The following WWC2 variants were observed in gnomAD, a reference collection of about 807,000 sequenced individuals.
The protein encoded by WWC2 is protein WWC2.
In WWC2, 101 loss-of-function variants were observed where a neutral mutation model predicts 138.5. That is an observed-to-expected ratio of 0.73 (90% CI 0.62 to 0.86). WWC2 has a LOEUF of 0.86. WWC2 is among the 40% of genes least tolerant of loss of function. WWC2 has a pLI of 0.00. For synonymous variants in WWC2, 558 were observed against 538.4 expected (o/e 1.04, Z -0.50); for missense variants, 1,420 against 1,419.4 (o/e 1.00, Z -0.01).
At chr4:183,247,606 T>G (rs1360316815) in intron 6 of WWC2, among the ~76,000 whole-genome samples, 2 of 136,336 alleles carry the variant, frequency 1.5e-5, no homozygotes, top group African/African-American at 6.0e-5. Flanking sequence ...CTATATATGC[T>G]ATATATACTA....
At chr4:183,171,130 C>A (rs1350789997) in intron 1 of WWC2, among the ~76,000 whole-genome samples, 3 of 152,116 alleles carry the variant, frequency 2.0e-5, no homozygotes, top group Admixed American at 6.5e-5. Flanking sequence ...ACACAAACTG[C>A]CTTAGATTAT....
intron 1 of WWC2, among the ~76,000 whole-genome samples, chr4:183,105,833 T>C (rs559006257): frequency 1.1e-4 from 17 of 149,570 alleles, no homozygotes; most frequent in Admixed American, 4.0e-4. Flanking sequence ...GAGCTTGCAG[T>C]GAGCAGACAT....
In WWC2 at chr4:183,197,252, G is replaced by T. The variant is rs533562467; in HGVS notation, c.241+3544G>T. Among the ~76,000 whole-genome samples, 4 of 152,288 alleles carry T rather than the reference G, an allele frequency of 2.6e-5. No homozygotes were observed. In the South Asian group the frequency reaches 8.3e-4, roughly 32 times the overall value. The stretch of plus-strand genomic sequence containing the variant: ...AATGGTAATGGTATTCTGGTGATCT[G>T]TTGTACCCAAATGACCGACAGCAAA... On this transcript the variant is annotated intron_variant, in intron 2 of 22. Coordinates refer to ENST00000403733, the MANE Select transcript of WWC2 (RefSeq NM_024949.6).
chr4:183,225,681 C>A (rs1736048093), intron 4 of WWC2, among the ~76,000 whole-genome samples: 1 of 152,174 alleles, frequency 6.6e-6, no homozygotes, highest in Admixed American at 6.5e-5. Flanking sequence ...ATTCATTAAG[C>A]AGTTATTTAT....
At chr4:183,137,685 G>C (rs960180050) in intron 1 of WWC2, among the ~76,000 whole-genome samples, 32 of 152,030 alleles carry the variant, frequency 2.1e-4, no homozygotes, top group African/African-American at 7.5e-4. Flanking sequence ...TTTTTGTAAG[G>C]ACAAGATTTT....
intron 1 of WWC2, among the ~76,000 whole-genome samples, chr4:183,163,138 G>A (rs1335409561): frequency 1.3e-5 from 2 of 152,204 alleles, no homozygotes; most frequent in Non-Finnish European, 2.9e-5. Context: ...TTAAAAAGTG[G>A]TGACGGTAAA....
At chr4:183,251,562 A>G (rs1037654629) in intron 8 of WWC2, among the ~76,000 whole-genome samples, 1 of 152,188 alleles carries the variant, frequency 6.6e-6, no homozygotes, top group African/African-American at 2.4e-5. Context: ...CCAAATTTGG[A>G]ACACTCCTTC....
intron 4 of WWC2, among the ~76,000 whole-genome samples, chr4:183,232,093 C>T (rs1445917504): frequency 1.3e-5 from 2 of 152,048 alleles, no homozygotes; most frequent in Admixed American, 6.5e-5. Flanking sequence ...GTTGTGGATG[C>T]GCATCTGAAA....
rs761727757 is a variant in WWC2, at chr4:183,248,824, C to G, written c.843C>G (p.Thr281=). The change falls in exon 7 of 23, where the codon ACC becomes ACG. Residue 281 remains threonine, a synonymous_variant. Transcript: ENST00000403733. ...VNSHLCLSRQ[T]LDAGSQTSIS... is the part of the protein sequence containing the mutation. ...CTCATTTATGTCTCTCCAGACAGAC[C>G]CTTGATGCTGGGTCACAAACAAGCA... The G allele has an allele frequency of 1.9e-6, 3 of 1,601,900 alleles. No homozygotes were observed. In the Admixed American group the frequency reaches 5.1e-5, roughly 27 times the overall value.
At chr4:183,148,956 G>A (rs181543207) in intron 1 of WWC2, among the ~76,000 whole-genome samples, 94 of 151,938 alleles carry the variant, frequency 6.2e-4, no homozygotes, top group African/African-American at 2.1e-3. Flanking sequence ...CGTAATTGGA[G>A]TAGTGGTAGT....
chr4:183,108,681 G>T (rs1463974107), intron 1 of WWC2, among the ~76,000 whole-genome samples: 2 of 152,044 alleles, frequency 1.3e-5, no homozygotes, highest in Non-Finnish European at 2.9e-5. Context: ...TGTGATCTCG[G>T]CTCACTGCAG....
chr4:183,292,607 TA>T (rs36085370), intron 21 of WWC2, among the ~76,000 whole-genome samples: 4,144 of 145,608 alleles, frequency 0.028, 70 homozygotes, highest in Non-Finnish European at 0.037. Context: ...TATAACTCTT[TA>T]AAAAAAAAAA....
intron 4 of WWC2, among the ~76,000 whole-genome samples, chr4:183,226,734 A>T (rs1318003980): frequency 6.6e-6 from 1 of 152,100 alleles, no homozygotes; most frequent in African/African-American, 2.4e-5. Flanking sequence ...AGCACCAAAA[A>T]GCCAACATTA....
chr4:183,177,833 G>A (rs1734508074), intron 1 of WWC2, among the ~76,000 whole-genome samples: 1 of 152,022 alleles, frequency 6.6e-6, no homozygotes, highest in Admixed American at 6.6e-5. Context: ...TTTTTGGGAA[G>A]CAGTTAGACT....
intron 9 of WWC2, among the ~76,000 whole-genome samples, chr4:183,254,753 T>C (rs1737085315): frequency 6.6e-6 from 1 of 152,164 alleles, no homozygotes; most frequent in Non-Finnish European, 1.5e-5. Flanking sequence ...GTACATCCTT[T>C]AGGCCAGCCA....
chr4:183,105,897 AAAAAAAAAG>A (rs1743340412), intron 1 of WWC2, among the ~76,000 whole-genome samples: 2 of 152,114 alleles, frequency 1.3e-5, no homozygotes, highest in Non-Finnish European at 2.9e-5. Context: ...CTTAAAAAAA[AAAAAAAAAG>A]AATTTTGGAC....
intron 1 of WWC2, among the ~76,000 whole-genome samples, chr4:183,178,790 C>T (rs1240861560): frequency 6.6e-6 from 1 of 152,128 alleles, no homozygotes; most frequent in Non-Finnish European, 1.5e-5. Context: ...GGCGCATAAT[C>T]GAGAACTACA....
rs200334551 is a variant in WWC2, at chr4:183,207,976, A to G, written c.265A>G (p.Arg89Gly). Residue 89 changes from arginine (R) to glycine (G), a missense_variant, in exon 3 of 23, where the codon AGA (arginine) becomes GGA (glycine). By Grantham distance (125) the Arg-to-Gly change is moderately radical. Transcript: ENST00000403733. ...AGAAACCACGCAGATAGAAGATCCA[A>G]GAAAACAATGGAGGGGGGAACAGGA... ...INKTTQIEDP[R>G]KQWRGEQEKM... The G allele has an allele frequency of 7.4e-6, 12 of 1,611,488 alleles. No homozygotes were observed. In the East Asian group the frequency reaches 2.7e-4, roughly 36 times the overall value.
intron 9 of WWC2, among the ~76,000 whole-genome samples, chr4:183,258,002 G>A (rs1178182022): frequency 6.6e-6 from 1 of 152,238 alleles, no homozygotes; most frequent in Non-Finnish European, 1.5e-5. Flanking sequence ...GAAGGCTGAG[G>A]ACGCTCCCTA....
Sources: allele counts gnomAD v4.1 joint callset (sites outside exome capture counted in the v4.1 genomes callset), GRCh38; gene constraint gnomAD v4.1.1; transcripts MANE v1.5; gene names NCBI Gene and HGNC (gene_info 2026-07-23, HGNC 2026-07-21).